ADGRD1: variants seen among roughly 807,000 people sequenced by gnomAD.
ADGRD1 encodes adhesion G protein-coupled receptor D1, also known as G-protein coupled receptor 133.
In ADGRD1, 77 loss-of-function variants were observed where a neutral mutation model predicts 113.4. That is an observed-to-expected ratio of 0.68 (90% CI 0.57 to 0.82). The LOEUF (loss-of-function observed/expected upper bound fraction) is 0.82, where lower values mean the gene tolerates loss of function less well. ADGRD1 is among the 40% of genes least tolerant of loss of function. The pLI is 0.00. For synonymous variants in ADGRD1, 474 were observed against 475.0 expected (o/e 1.00, Z 0.03); for missense variants, 1,036 against 1,139.1 (o/e 0.91, Z 1.30).
intron 14 of ADGRD1, among the ~76,000 whole-genome samples, chr12:131,081,798 T>C (rs1366171331): frequency 1.3e-5 from 2 of 152,206 alleles, no homozygotes; most frequent in Non-Finnish European, 2.9e-5. Flanking sequence ...CTCCTTTAAC[T>C]CTTCTTGCAG....
At chr12:130,996,482 G>A (rs1195660027) in intron 8 of ADGRD1, among the ~76,000 whole-genome samples, 3 of 116,470 alleles carry the variant, frequency 2.6e-5, no homozygotes, top group African/African-American at 6.3e-5. Flanking sequence ...GGGGCGGCCG[G>A]GCAGAGGCGC....
Position 131,139,455 on chromosome 12 carries a change from C to T in ADGRD1, c.*192C>T, listed in dbSNP as rs895927024. Reference sequence around the variant, plus strand: ...CTGCTCAGCCCAGCAGCCTGATGCCCAGGCCAGCGTGGGCCCTCCTGCCTT... The same window carrying T: ...CTGCTCAGCCCAGCAGCCTGATGCCTAGGCCAGCGTGGGCCCTCCTGCCTT... On this transcript the variant is annotated 3_prime_UTR_variant, in exon 25 of 25. Transcript: ENST00000261654. 7 of 574,672 alleles carry T rather than the reference C, an allele frequency of 1.2e-5. No homozygotes were observed. The highest frequency in any genetic ancestry group is 1.9e-5 in the Non-Finnish European group (6 of 318,078). 35.6% of individuals were successfully genotyped at this position (574,672 alleles called of 1,614,324 possible). A position where few individuals can be genotyped will look rare whatever the true frequency, so the allele number is the denominator to read the frequency against.
intron 13 of ADGRD1, among the ~76,000 whole-genome samples, chr12:131,068,190 A>G (rs1300082386): frequency 6.6e-6 from 1 of 152,186 alleles, no homozygotes; most frequent in Non-Finnish European, 1.5e-5. Flanking sequence ...GGACAGGCAG[A>G]GGTCTGGGGC....
chr12:130,975,254 C>CT (rs1872171454), intron 4 of ADGRD1, among the ~76,000 whole-genome samples: 1 of 152,168 alleles, frequency 6.6e-6, no homozygotes, highest in Admixed American at 6.5e-5. Flanking sequence ...GTCTCATGCC[C>CT]TTATTGCTCC....
intron 2 of ADGRD1, chr12:130,957,324 A>C (rs973607522): frequency 2.6e-5 from 4 of 152,218 alleles, no homozygotes; most frequent in Non-Finnish European, 5.9e-5. Context: ...CATTCACAAA[A>C]GTCCACGTGT....
Position 131,139,242 on chromosome 12 carries a change from C to G in ADGRD1, c.2604C>G (p.Arg868=). Residue 868 remains arginine (R), a synonymous_variant, in exon 25 of 25, where the codon CGC becomes CGG. Transcript: ENST00000261654. Reference sequence around the variant, plus strand: ...ACAAGAGCAGCCACTCTGCCCACCGCGTCGACCTGTCAGCCGTGTGAGCCG... The same window carrying G: ...ACAAGAGCAGCCACTCTGCCCACCGGGTCGACCTGTCAGCCGTGTGAGCCG... ...PWDKSSHSAH[R]VDLSAV 1 of 1,612,856 alleles carries G rather than the reference C, an allele frequency of 6.2e-7. No individual in the cohort carries two copies. The highest frequency in any genetic ancestry group is 8.5e-7 in the Non-Finnish European group (1 of 1,179,642).
chr12:131,131,117 G>C (rs998262512), intron 20 of ADGRD1, among the ~76,000 whole-genome samples: 1 of 152,208 alleles, frequency 6.6e-6, no homozygotes, highest in Non-Finnish European at 1.5e-5. Context: ...GCCCAGGTGA[G>C]GGGCAGGTTG....
In ADGRD1 at chr12:131,041,735, C is replaced by A. The variant is rs563444111; in HGVS notation, c.1473+27395C>A. Among the ~76,000 whole-genome samples the A allele has an allele frequency of 6.6e-6, 1 of 152,198 alleles. No individual in the cohort carries two copies. The highest frequency in any genetic ancestry group is 1.9e-4 in the East Asian group (1 of 5,184). On this transcript the variant is annotated intron_variant, in intron 13 of 24. Coordinates refer to ENST00000261654, the MANE Select transcript of ADGRD1 (RefSeq NM_198827.5). This position sits in a 1 kb window ranked among gnomAD's most constrained non-coding sequence, Gnocchi z 4.4. Reference sequence around the variant, plus strand: ...AGCAGTTCCCGGGGAACACACTGCACGCTGTTGCCGCAGCCTCCCCCTGCC... The same window carrying A: ...AGCAGTTCCCGGGGAACACACTGCAAGCTGTTGCCGCAGCCTCCCCCTGCC...
intron 13 of ADGRD1, among the ~76,000 whole-genome samples, chr12:131,029,881 A>G (rs2464293): frequency 0.095 from 263 of 2,778 alleles, 23 homozygotes; most frequent in Non-Finnish European, 0.13. Context: ...AGGCTCTGGG[A>G]TTAGGTTGTG....
intron 11 of ADGRD1, 66 bp from the exon 12 acceptor site, chr12:131,005,906 G>A (rs1877044952): frequency 2.4e-6 from 3 of 1,244,746 alleles, no homozygotes; most frequent in African/African-American, 1.5e-5. Context: ...GGGGCGTGGG[G>A]CTTTGTGTTT....
At chr12:131,009,839 C>T (rs1453876317) in intron 12 of ADGRD1, among the ~76,000 whole-genome samples, 4 of 152,132 alleles carry the variant, frequency 2.6e-5, no homozygotes, top group East Asian at 1.9e-4. Flanking sequence ...CAAGTGTGAG[C>T]GTGACCACTG....
At chr12:131,074,932 T>G (rs555635290) in intron 13 of ADGRD1, among the ~76,000 whole-genome samples, 4 of 152,292 alleles carry the variant, frequency 2.6e-5, no homozygotes, top group African/African-American at 9.6e-5. Context: ...GTGATTTAGA[T>G]CTGAAGTCAG....
intron 15 of ADGRD1, among the ~76,000 whole-genome samples, chr12:131,099,984 G>A (rs1165719380): frequency 6.6e-6 from 1 of 151,946 alleles, no homozygotes; most frequent in African/African-American, 2.4e-5. Flanking sequence ...AGGTTTGCTG[G>A]TGGTAAGTTT....
chr12:131,074,527 G>A (rs1885427386), intron 13 of ADGRD1, among the ~76,000 whole-genome samples: 1 of 152,178 alleles, frequency 6.6e-6, no homozygotes, highest in South Asian at 2.1e-4. Flanking sequence ...AGGGAGGCTC[G>A]TGGGCTGTGA....
chr12:130,954,662 T>TAAG lies in ADGRD1; in HGVS notation c.103+4_103+6dup. The TAAG allele has an allele frequency of 6.2e-7, 1 of 1,612,590 alleles. No homozygotes were observed. Among genetic ancestry groups the TAAG allele is most frequent in the Non-Finnish European group, 8.5e-7 (1 of 1,179,636 alleles). ...ACTCCAGATCGCAGGACCATCCAGG[T>TAAG]AAGAGTGTTTCCTTCTCACTCTGAG... On this transcript the variant is annotated splice_region_variant and intron_variant, in intron 2 of 24. Coordinates refer to ENST00000261654, the MANE Select transcript of ADGRD1 (RefSeq NM_198827.5). The surrounding 1 kb of genome is among the most constrained non-coding windows in gnomAD (Gnocchi z 4.7).
chr12:130,957,783 C>A (rs1869833622), intron 2 of ADGRD1: 1 of 152,228 alleles, frequency 6.6e-6, no homozygotes, highest in Non-Finnish European at 1.5e-5. Flanking sequence ...GGTGTGGTGA[C>A]CCCTAGTCTG....
Position 131,139,560 on chromosome 12 carries a change from T to C in ADGRD1, c.*297T>C. The stretch of plus-strand genomic sequence containing the variant: ...CTGACTGTGATGGTGCCCTTGAGCC[T>C]CCCTTCATCACTCAGCATCAGACCC... On this transcript the variant is annotated 3_prime_UTR_variant, in exon 25 of 25. Transcript: ENST00000261654. 2.8e-6 allele frequency: 1 copy of C among 354,984 alleles called. No individual in the cohort carries two copies. Among genetic ancestry groups the C allele is most frequent in the African/African-American group, 2.1e-5 (1 of 47,784 alleles). The allele number at this position is 354,984 out of a possible 1,614,324, so 22.0% of individuals were successfully genotyped here. A position where few individuals can be genotyped will look rare whatever the true frequency, so the allele number is the denominator to read the frequency against.
At chr12:131,120,738 G>T (rs1950572624) in intron 19 of ADGRD1, 109 bp from the exon 20 acceptor site, 2 of 1,006,882 alleles carry the variant, frequency 2.0e-6, no homozygotes, top group Non-Finnish European at 3.2e-6. Flanking sequence ...ACTGCCCCAG[G>T]TGGACCCTGT....
chr12:131,054,629 C>G (rs1156559365), intron 13 of ADGRD1, among the ~76,000 whole-genome samples: 2 of 152,172 alleles, frequency 1.3e-5, no homozygotes, highest in Non-Finnish European at 2.9e-5. Context: ...TTTCCCTGTT[C>G]TGGGCGCTTC....
Sources: gnomAD v4.1 joint callset for allele counts (sites outside exome capture counted in the v4.1 genomes callset) on GRCh38, gnomAD v4.1.1 for gene constraint, Gnocchi (gnomAD v3.1) non-coding constraint, MANE v1.5 for transcripts, NCBI Gene and HGNC (gene_info 2026-07-23, HGNC 2026-07-21) for gene names.